The following AMZ1 variants were observed in gnomAD, a reference collection of about 807,000 sequenced individuals.
The protein encoded by AMZ1 is archaelysin family metallopeptidase 1.
Under a neutral mutation model 29.9 loss-of-function variants are expected in AMZ1, and 39 were observed. That is an observed-to-expected ratio of 1.30 (90% CI 1.01 to 1.70). AMZ1 has a LOEUF of 1.70. Ranked by LOEUF, AMZ1 falls within the 40% of genes most tolerant of loss-of-function variation. AMZ1 has a pLI of 0.00. For missense variants in AMZ1, 1,041 were observed against 680.6 expected (o/e 1.53, Z -5.89); for synonymous variants, 458 against 304.0 (o/e 1.51, Z -5.27).
chr7:2,709,520 C>T, intron 5 of AMZ1, 120 bp from the exon 6 acceptor site: 1 of 1,434,686 alleles, frequency 7.0e-7, no homozygotes, highest in South Asian at 1.4e-5. Flanking sequence ...GCGCCTGGAC[C>T]ACCTCCCGGC....
At chr7:2,710,309 G>T (rs889769750) in intron 6 of AMZ1, among the ~76,000 whole-genome samples, 3 of 152,190 alleles carry the variant, frequency 2.0e-5, no homozygotes, top group African/African-American at 7.2e-5. Context: ...CAAAGGGCTC[G>T]TCCGTATTCA....
At position 2,717,324 on chromosome 7, in the gene AMZ1, G is replaced by A. The variant is rs1014781289; in HGVS notation, c.*4446G>A. ...GCGACGGGGCTCATAGACCTGAACT[G>A]GGTCTGCCTGCCTGTGTGCTGGAAG... is the stretch of plus-strand genomic sequence containing the variant. On this transcript the variant is annotated 3_prime_UTR_variant, in exon 7 of 7. Coordinates refer to ENST00000683327, the MANE Select transcript of AMZ1 (RefSeq NM_001384743.1). Among the ~76,000 whole-genome samples the A allele has an allele frequency of 6.6e-6, 1 of 152,256 alleles. No individual in the cohort carries two copies. Among genetic ancestry groups the A allele is most frequent in the Admixed American group, 6.5e-5 (1 of 15,284 alleles).
At chr7:2,686,720 CTCTTT>C (rs981629121), upstream of AMZ1, among the ~76,000 whole-genome samples, 2 of 151,428 alleles carry the variant, frequency 1.3e-5, no homozygotes, top group African/African-American at 2.4e-5. Context: ...TTCTCTCTCT[CTCTTT>C]TTTTTTTGAA....
At chr7:2,721,708 T>G (rs1262323914), downstream of AMZ1, among the ~76,000 whole-genome samples, 3 of 136,360 alleles carry the variant, frequency 2.2e-5, no homozygotes, top group Admixed American at 2.3e-4. Context: ...AGAGCGAGAC[T>G]ACGTCTCAAA....
At chr7:2,721,532 C>T (rs1349476937), downstream of AMZ1, among the ~76,000 whole-genome samples, 4 of 152,064 alleles carry the variant, frequency 2.6e-5, no homozygotes, top group Admixed American at 1.3e-4. Flanking sequence ...CTCGCTAACA[C>T]GGTGAAGCCC....
chr7:2,725,885 C>G (rs974646266), intron 4 of AMZ1, among the ~76,000 whole-genome samples: 8 of 152,190 alleles, frequency 5.3e-5, no homozygotes, highest in African/African-American at 1.9e-4. Flanking sequence ...AGACCCTCCC[C>G]TGGTGCCTCT....
chr7:2,723,316 G>A (rs992629649), downstream of AMZ1, among the ~76,000 whole-genome samples: 2 of 152,226 alleles, frequency 1.3e-5, no homozygotes, highest in South Asian at 4.1e-4. Context: ...ATGCACCCGG[G>A]TGCATCCAGA....
chr7:2,685,069 C>T (rs1787023331), upstream of AMZ1, among the ~76,000 whole-genome samples: 1 of 151,588 alleles, frequency 6.6e-6, no homozygotes, highest in Admixed American at 6.6e-5. Context: ...TGGAGTTTCA[C>T]TGTGTTAGCC....
chr7:2,703,971 C>A (rs985667509), intron 3 of AMZ1, among the ~76,000 whole-genome samples: 1 of 152,208 alleles, frequency 6.6e-6, no homozygotes, highest in Non-Finnish European at 1.5e-5. Context: ...TCATGGCAAG[C>A]TCTGCCTCCC....
chr7:2,732,451 C>G (rs1313150305), intron 4 of AMZ1, among the ~76,000 whole-genome samples: 1 of 152,160 alleles, frequency 6.6e-6, no homozygotes, highest in Non-Finnish European at 1.5e-5. Context: ...GAGGCCGAGA[C>G]AGGAGGATCA....
chr7:2,704,517 C>T (rs1788237303), intron 3 of AMZ1, among the ~76,000 whole-genome samples: 1 of 148,208 alleles, frequency 6.7e-6, no homozygotes, highest in Middle Eastern at 3.6e-3. Context: ...TATTGTGTTC[C>T]TAATTTCAGT....
chr7:2,726,124 T>G (rs890829620), intron 4 of AMZ1, among the ~76,000 whole-genome samples: 13 of 152,234 alleles, frequency 8.5e-5, no homozygotes, highest in African/African-American at 3.1e-4. Flanking sequence ...GCTAAGCACA[T>G]GTGATGCACC....
rs561492178 is a variant in AMZ1, at chr7:2,696,006, T to TG, written c.-218-4221dup. ...CCTGGGTGACAGAGCGAAACTGTCTTGGGGGGGAAAAAAAAAAAAAAAAGG... is the reference window on the plus strand; with the variant it reads ...CCTGGGTGACAGAGCGAAACTGTCTTGGGGGGGGAAAAAAAAAAAAAAAAGG... On this transcript the variant is annotated intron_variant, in intron 1 of 6. Transcript: ENST00000683327. 2.8e-3 allele frequency among the ~76,000 whole-genome samples: 293 copies of TG among 105,554 alleles called. 4 individuals are homozygous for TG. Among genetic ancestry groups the TG allele is most frequent in the African/African-American group, 7.2e-3 (209 of 29,122 alleles). 69.2% of individuals were successfully genotyped at this position (105,554 alleles called of 152,430 possible).
intron 1 of AMZ1, among the ~76,000 whole-genome samples, chr7:2,697,452 C>G (rs532587756): frequency 1.1e-4 from 17 of 152,008 alleles, no homozygotes; most frequent in South Asian, 2.1e-4. Flanking sequence ...GAGACAGGGT[C>G]TCACTCCCTC....
chr7:2,750,530 A>T (rs1408136059), intron 4 of AMZ1, among the ~76,000 whole-genome samples: 1 of 152,240 alleles, frequency 6.6e-6, no homozygotes, highest in Non-Finnish European at 1.5e-5. Context: ...TTGATAAGTT[A>T]GGCAGAGTAA....
chr7:2,708,613 C>G lies in AMZ1; in HGVS notation c.498C>G (p.Asn166Lys), dbSNP rs140944402. ...ACGGCATCCTGTCCTTCTTGAAGAA[C>G]AACAAGCCAGGGGACGCGCTGTGTG... ...HTDGILSFLK[N>K]NKPGDALCVL... is the part of the protein sequence containing the mutation. Residue 166 changes from asparagine (N) to lysine (K), a missense_variant, in exon 4 of 7, where the codon AAC becomes AAG. Asn to Lys is a moderately conservative substitution (Grantham distance 94). Coordinates refer to ENST00000683327, the MANE Select transcript of AMZ1 (RefSeq NM_001384743.1). The G allele has an allele frequency of 1.2e-5, 20 of 1,612,908 alleles. No individual in the cohort carries two copies. The highest frequency in any genetic ancestry group is 9.9e-5 in the South Asian group (9 of 91,082).
intron 1 of AMZ1, among the ~76,000 whole-genome samples, chr7:2,681,133 A>C (rs1249740522): frequency 1.3e-5 from 2 of 152,216 alleles, no homozygotes; most frequent in African/African-American, 4.8e-5. Flanking sequence ...GAGCGGGGCC[A>C]TGGCTGAGCT....
intron 4 of AMZ1, among the ~76,000 whole-genome samples, chr7:2,725,867 G>A (rs559504241): frequency 3.9e-5 from 6 of 152,122 alleles, no homozygotes; most frequent in East Asian, 1.9e-4. Flanking sequence ...TCCAGGGCAC[G>A]CAGTGCCAGA....
chr7:2,687,654 G>A (rs1446342493), upstream of AMZ1, among the ~76,000 whole-genome samples: 1 of 152,228 alleles, frequency 6.6e-6, no homozygotes, highest in African/African-American at 2.4e-5. Flanking sequence ...CCCGTCCTCA[G>A]GGCCACTGAC....
Sources: allele counts gnomAD v4.1 joint callset (sites outside exome capture counted in the v4.1 genomes callset), GRCh38; gene constraint gnomAD v4.1.1; transcripts MANE v1.5; gene names NCBI Gene and HGNC (gene_info 2026-07-23, HGNC 2026-07-21).